The following VPS35L variants were observed in gnomAD, a reference collection of about 807,000 sequenced individuals.
VPS35L encodes VPS35 endosomal protein sorting factor like, also known as VPS35 endosomal protein-sorting factor-like.
A neutral mutation model predicts 133.0 loss-of-function variants in VPS35L; 83 were observed. That is an observed-to-expected ratio of 0.62 (90% CI 0.52 to 0.75). VPS35L has a LOEUF of 0.75. Ranked by LOEUF, VPS35L falls within the 30% of genes least tolerant of loss-of-function variation. The probability of loss-of-function intolerance (pLI) is 0.00; values close to 1 mark genes in which losing one functional copy is unlikely to be tolerated. For missense variants in VPS35L, 1,083 were observed against 1,206.8 expected, an observed-to-expected ratio of 0.90 and a Z score of 1.52; for synonymous variants, 423 against 449.9, an observed-to-expected ratio of 0.94 and a Z score of 0.76.
intron 8 of VPS35L, 62 bp from the exon 9 acceptor site, chr16:19,601,602 A>C: frequency 6.5e-7 from 1 of 1,536,354 alleles, no homozygotes; most frequent in Non-Finnish European, 9.0e-7. Context: ...ATTAACAAAC[A>C]TTTATTTACT....
intron 28 of VPS35L, among the ~76,000 whole-genome samples, chr16:19,684,389 C>G (rs998572114): frequency 6.6e-6 from 1 of 152,204 alleles, no homozygotes; most frequent in Admixed American, 6.5e-5. Context: ...TTGCAAGTTG[C>G]AGTGAACACA....
At chr16:19,661,929 G>A (rs1422169731) in intron 26 of VPS35L, among the ~76,000 whole-genome samples, 1 of 152,140 alleles carries the variant, frequency 6.6e-6, no homozygotes, top group Non-Finnish European at 1.5e-5. Context: ...TTCTAGGACT[G>A]AACATTTTAC....
chr16:19,617,780 T>A (rs1461189409), intron 14 of VPS35L: 2 of 152,658 alleles, frequency 1.3e-5, no homozygotes, highest in Non-Finnish European at 2.9e-5. Context: ...GTAGTTCACT[T>A]CAGGCCAGCA....
intron 28 of VPS35L, among the ~76,000 whole-genome samples, chr16:19,689,569 G>A (rs1367400733): frequency 6.6e-6 from 1 of 152,064 alleles, no homozygotes; most frequent in East Asian, 1.9e-4. Flanking sequence ...ACAGTGCCCA[G>A]CCCCAGTTTC....
chr16:19,590,550 G>A (rs1360538229), intron 7 of VPS35L, among the ~76,000 whole-genome samples: 1 of 152,154 alleles, frequency 6.6e-6, no homozygotes, highest in Non-Finnish European at 1.5e-5. Context: ...TTCTGTTTCT[G>A]ATGATAAAAG....
chr16:19,644,408 T>G (rs1362297077), intron 22 of VPS35L, among the ~76,000 whole-genome samples: 3 of 152,202 alleles, frequency 2.0e-5, no homozygotes, highest in Admixed American at 6.5e-5. Context: ...AATATTTCTG[T>G]TTCCTTTTTG....
rs1402918267 is a variant in VPS35L at position 19,701,066 on chromosome 16, AATTTG to A, written c.*592_*596del. 1 of 152,444 alleles carries A rather than the reference AATTTG, an allele frequency of 6.6e-6. No individual in the cohort carries two copies. Among genetic ancestry groups the A allele is most frequent in the African/African-American group, 2.4e-5 (1 of 41,462 alleles). 9.4% of individuals were successfully genotyped at this position (152,444 alleles called of 1,614,324 possible). ...TGGATCAAAGGAGAAAGCGAGGTCA[AATTTG>A]AGATTCTCTGTGGCTTCAGTATACA... On this transcript the variant is annotated 3_prime_UTR_variant, in exon 31 of 31. Coordinates refer to ENST00000417362, the MANE Select transcript of VPS35L (RefSeq NM_020314.7).
chr16:19,595,517 AC>A (rs1207955185), intron 8 of VPS35L, among the ~76,000 whole-genome samples: 1 of 150,406 alleles, frequency 6.6e-6, no homozygotes, highest in African/African-American at 2.5e-5. Flanking sequence ...CCGTGAATTA[AC>A]CTCTTGGCCG....
At chr16:19,597,189 C>T (rs1031505177) in intron 8 of VPS35L, among the ~76,000 whole-genome samples, 4 of 151,804 alleles carry the variant, frequency 2.6e-5, no homozygotes, top group African/African-American at 9.7e-5. Context: ...GGCAGCATAG[C>T]AAAACCCCAT....
intron 10 of VPS35L, 69 bp downstream of exon 10, chr16:19,608,343 A>T (rs1468141035): frequency 1.1e-5 from 13 of 1,197,082 alleles, no homozygotes; most frequent in Non-Finnish European, 1.6e-5. Flanking sequence ...TGTTAATAGA[A>T]GCCATGTGAT....
At chr16:19,561,058 G>C (rs1971012815) in intron 1 of VPS35L, among the ~76,000 whole-genome samples, 1 of 151,754 alleles carries the variant, frequency 6.6e-6, no homozygotes, top group East Asian at 1.9e-4. Flanking sequence ...ATCGTGAAAG[G>C]GATTTTCCCT....
intron 15 of VPS35L, among the ~76,000 whole-genome samples, 185 bp from the exon 16 acceptor site, chr16:19,627,509 G>T (rs747043766): frequency 6.6e-6 from 1 of 152,148 alleles, no homozygotes; most frequent in Non-Finnish European, 1.5e-5. Context: ...CATTTATTGA[G>T]TTGCAGATAT....
intron 3 of VPS35L, among the ~76,000 whole-genome samples, chr16:19,570,848 T>TG (rs1567388460): frequency 8.4e-5 from 1 of 11,900 alleles, no homozygotes; most frequent in East Asian, 2.7e-3. Context: ...TATATATATA[T>TG]ATATATATAT....
intron 26 of VPS35L, among the ~76,000 whole-genome samples, chr16:19,662,176 C>T (rs1287360539): frequency 1.3e-5 from 2 of 152,064 alleles, no homozygotes; most frequent in East Asian, 3.9e-4. Flanking sequence ...GCAATCCAGC[C>T]TGGGCAGCAG....
At chr16:19,592,293 T>G (rs889862760) in intron 8 of VPS35L, among the ~76,000 whole-genome samples, 16 of 151,256 alleles carry the variant, frequency 1.1e-4, no homozygotes, top group Non-Finnish European at 2.2e-4. Flanking sequence ...TTGCCCAGGC[T>G]GCTCTCAAAC....
chr16:19,559,595 G>T (rs1012313091), intron 1 of VPS35L, among the ~76,000 whole-genome samples: 1 of 152,188 alleles, frequency 6.6e-6, no homozygotes, highest in Admixed American at 6.5e-5. Context: ...CAGACTTAGG[G>T]ATCAGAGAGC....
chr16:19,556,582 G>A (rs1389367755), intron 1 of VPS35L, among the ~76,000 whole-genome samples: 10 of 152,208 alleles, frequency 6.6e-5, no homozygotes, highest in Admixed American at 6.5e-4. Flanking sequence ...AATCTCTCCT[G>A]CATCTCAGAA....
chr16:19,635,713 C>T (rs1220114960), intron 19 of VPS35L, among the ~76,000 whole-genome samples: 2 of 152,132 alleles, frequency 1.3e-5, no homozygotes, highest in Non-Finnish European at 2.9e-5. Flanking sequence ...GGGGTAAGGG[C>T]ATGATTCATG....
intron 7 of VPS35L, among the ~76,000 whole-genome samples, chr16:19,589,392 C>T (rs1468139297): frequency 6.6e-6 from 1 of 152,168 alleles, no homozygotes; most frequent in Non-Finnish European, 1.5e-5. Context: ...TACAGGCACA[C>T]ACCACCATGC....
Sources: gnomAD v4.1 joint callset for allele counts (sites outside exome capture counted in the v4.1 genomes callset) on GRCh38, gnomAD v4.1.1 for gene constraint, MANE v1.5 for transcripts, NCBI Gene and HGNC (gene_info 2026-07-23, HGNC 2026-07-21) for gene names.